The following ZC4H2 variants were observed in gnomAD, a reference collection of about 807,000 sequenced individuals.
ZC4H2 encodes zinc finger C4H2-type containing, also known as zinc finger C4H2 domain-containing protein.
For missense variants in ZC4H2, 137 were observed against 173.9 expected (o/e 0.79, Z 1.19); for synonymous variants, 84 against 66.3 (o/e 1.27, Z -1.30).
At chrX:64,933,720 TG>T (rs1383829699) in intron 1 of ZC4H2, among the ~76,000 whole-genome samples, 1 of 111,179 alleles carries the variant, frequency 9.0e-6, no homozygotes, top group Non-Finnish European at 1.9e-5. Flanking sequence ...CTGTTTCTTA[TG>T]GGGTCAGAAT....
chrX:65,011,964 T>G lies in ZC4H2; in HGVS notation c.-272+22665A>C, dbSNP rs763806575. ...CTCTTGACCTCGTGATCCACCTGCC[T>G]CAGCCTCCCAAAGTGCTGGGATTAC... is the stretch of plus-strand genomic sequence containing the variant. On this transcript the variant is annotated intron_variant, in intron 1 of 4. Coordinates refer to the ZC4H2 transcript ENST00000337990. Among the ~76,000 whole-genome samples the G allele has an allele frequency of 1.5e-4, 17 of 109,898 alleles. No individual in the cohort carries two copies. In the East Asian group the frequency reaches 4.9e-3, roughly 32 times the overall value.
chrX:64,920,824 A>T (rs1929164738), intron 2 of ZC4H2, among the ~76,000 whole-genome samples: 1 of 112,554 alleles, frequency 8.9e-6, no homozygotes, highest in Non-Finnish European at 1.9e-5. Flanking sequence ...CCTCAGACAT[A>T]CAAAATCAGA....
At chrX:64,918,928 G>A (rs1015390847) in intron 4 of ZC4H2, 114 bp downstream of exon 4, 63 of 944,255 alleles carry the variant, frequency 6.7e-5, no homozygotes, top group African/African-American at 1.0e-4. Context: ...ACAAGCAAAG[G>A]CCATTAAAAG....
intron 3 of ZC4H2, chrX:64,919,834 T>C (rs1929103648): frequency 3.0e-6 from 1 of 330,973 alleles, no homozygotes; most frequent in African/African-American, 2.6e-5. Flanking sequence ...CACCTAGTAG[T>C]TGTTCTAATT....
intron 1 of ZC4H2, among the ~76,000 whole-genome samples, chrX:64,941,270 C>T (rs748534916): frequency 8.9e-6 from 1 of 112,095 alleles, no homozygotes; most frequent in African/African-American, 3.2e-5. Context: ...GCTAAAGTTG[C>T]TTATGAGCTT....
chrX:65,016,808 T>A (rs182135616), intron 1 of ZC4H2, among the ~76,000 whole-genome samples: 1 of 111,943 alleles, frequency 8.9e-6, no homozygotes, highest in East Asian at 2.8e-4. Flanking sequence ...GTCTAGTATT[T>A]CCCTAACTAA....
intron 1 of ZC4H2, among the ~76,000 whole-genome samples, chrX:64,958,205 T>A (rs1931234434): frequency 1.8e-5 from 2 of 112,588 alleles, no homozygotes; most frequent in Admixed American, 9.4e-5. Context: ...GACTTTTATA[T>A]GACTGGCAGT....
At chrX:65,020,112 T>C (rs1346968191) in intron 1 of ZC4H2, among the ~76,000 whole-genome samples, 2 of 112,153 alleles carry the variant, frequency 1.8e-5, no homozygotes, top group Non-Finnish European at 3.8e-5. Context: ...GAAAACACTC[T>C]GCAGGATATT....
At chrX:64,965,395 A>G (rs1368467591) in intron 1 of ZC4H2, 1 of 294,685 alleles carries the variant, frequency 3.4e-6, no homozygotes, top group African/African-American at 2.8e-5. Flanking sequence ...AGTCTTTCAA[A>G]CAAATGATAG....
chrX:64,986,921 CTTTTT>C (rs1028871395), intron 1 of ZC4H2, among the ~76,000 whole-genome samples: 1 of 79,593 alleles, frequency 1.3e-5, no homozygotes, highest in African/African-American at 5.2e-5. Flanking sequence ...CAAGATAATT[CTTTTT>C]TTTTTTTTTT....
chrX:64,930,437 G>T (rs760676611), intron 1 of ZC4H2, among the ~76,000 whole-genome samples: 2 of 111,674 alleles, frequency 1.8e-5, no homozygotes, highest in Non-Finnish European at 3.8e-5. Context: ...AGGCATCCTT[G>T]TCTTGTTCCA....
chrX:64,923,893 G>A (rs924972526), intron 1 of ZC4H2, among the ~76,000 whole-genome samples: 1 of 110,642 alleles, frequency 9.0e-6, no homozygotes. Flanking sequence ...TTTGAACAGG[G>A]TTACCAGGCT....
At chrX:64,935,662 C>T (rs1929970505) in intron 1 of ZC4H2, among the ~76,000 whole-genome samples, 1 of 112,114 alleles carries the variant, frequency 8.9e-6, no homozygotes, top group Non-Finnish European at 1.9e-5. Context: ...TCAGCCTCCG[C>T]TGGTGATACC....
chrX:64,954,943 A>G (rs767535159), intron 1 of ZC4H2, among the ~76,000 whole-genome samples: 2 of 111,749 alleles, frequency 1.8e-5, no homozygotes, highest in South Asian at 7.5e-4. Flanking sequence ...ATTTGGAGAA[A>G]TAACTGGTAT....
intron 1 of ZC4H2, among the ~76,000 whole-genome samples, chrX:64,952,618 G>A (rs1930911590): frequency 9.0e-6 from 1 of 111,095 alleles, no homozygotes; most frequent in Non-Finnish European, 1.9e-5. Context: ...CAAGAGATGT[G>A]AAGGACCTCT....
At chrX:65,007,981 A>C (rs1312781322) in intron 1 of ZC4H2, among the ~76,000 whole-genome samples, 1 of 111,720 alleles carries the variant, frequency 9.0e-6, no homozygotes, top group African/African-American at 3.3e-5. Context: ...CAAGCTAAAA[A>C]GCTTCTGCAC....
At chrX:64,946,022 G>A (rs1284086052) in intron 1 of ZC4H2, among the ~76,000 whole-genome samples, 4 of 111,158 alleles carry the variant, frequency 3.6e-5, no homozygotes, top group Non-Finnish European at 7.5e-5. Flanking sequence ...GGGCTCTGTG[G>A]GGGTGGGACC....
intron 4 of ZC4H2, 185 bp downstream of exon 4, chrX:64,918,857 A>T: frequency 2.2e-6 from 1 of 446,204 alleles, no homozygotes; most frequent in Non-Finnish European, 3.4e-6. Flanking sequence ...AACATGGGGC[A>T]ACAAAACCTG....
chrX:64,951,274 T>C (rs1487431001), intron 1 of ZC4H2, among the ~76,000 whole-genome samples: 2 of 112,266 alleles, frequency 1.8e-5, no homozygotes, highest in Non-Finnish European at 3.8e-5. Flanking sequence ...TACGTGTGCA[T>C]GTGTATAGCA....
Sources: allele counts gnomAD v4.1 joint callset (sites outside exome capture counted in the v4.1 genomes callset), GRCh38; gene constraint gnomAD v4.1.1; transcripts MANE v1.5; gene names NCBI Gene and HGNC (gene_info 2026-07-23, HGNC 2026-07-21).